NLGN1: variants seen among roughly 807,000 people sequenced by gnomAD.
NLGN1 encodes the protein neuroligin-1.
A neutral mutation model predicts 65.5 loss-of-function variants in NLGN1; 12 were observed. The ratio of observed to expected loss-of-function variants is 0.18; its 90% CI spans 0.12 to 0.30. The LOEUF is 0.30. Among genes scored for constraint, NLGN1 ranks in the 10% least tolerant of loss-of-function variants. NLGN1 has a pLI of 1.00. For synonymous variants in NLGN1, 350 were observed against 359.5 expected, an observed-to-expected ratio of 0.97 and a Z score of 0.30; for missense variants, 750 against 1,007.1, an observed-to-expected ratio of 0.74 and a Z score of 3.46.
chr3:174,066,830 A>T (rs1330077155), intron 4 of NLGN1, among the ~76,000 whole-genome samples: 8 of 152,078 alleles, frequency 5.3e-5, no homozygotes, highest in African/African-American at 1.9e-4. Context: ...AAAGGGTTGG[A>T]ACCTACAGTC....
chr3:174,292,704 T>C, the NLGN1 span, among the ~76,000 whole-genome samples: 1 of 151,492 alleles, frequency 6.6e-6, no homozygotes, highest in Non-Finnish European at 1.5e-5. Flanking sequence ...AAAGAAGGAA[T>C]TGTTGTATTA....
rs192531887 is a variant in NLGN1 at position 173,715,528 on chromosome 3, G to A, written c.494-92152G>A. 2.4e-3 allele frequency among the ~76,000 whole-genome samples: 358 copies of A among 152,246 alleles called. 6 individuals carry two copies. The South Asian group carries it at 0.031, about 13-fold the overall frequency. On this transcript the variant is annotated intron_variant, in intron 3 of 6. Transcript: ENST00000457714. ...TGCACTATTACAGAATCAAGGTAGCGAAAAGGGACTAGTGAGCTATTTCTA... is the reference window on the plus strand; with the variant it reads ...TGCACTATTACAGAATCAAGGTAGCAAAAAGGGACTAGTGAGCTATTTCTA...
chr3:174,142,057 GCCA>G (rs1044102427), intron 4 of NLGN1, among the ~76,000 whole-genome samples: 3 of 151,948 alleles, frequency 2.0e-5, no homozygotes, highest in African/African-American at 7.3e-5. Flanking sequence ...TCTAGAAGTT[GCCA>G]CCATTTTTAC....
At chr3:173,797,886 C>T (rs1458547193) in intron 3 of NLGN1, among the ~76,000 whole-genome samples, 2 of 152,018 alleles carry the variant, frequency 1.3e-5, no homozygotes, top group Non-Finnish European at 2.9e-5. Flanking sequence ...ACTGTTGCAA[C>T]TCATGTAGGC....
intron 3 of NLGN1, among the ~76,000 whole-genome samples, chr3:173,719,951 C>T (rs890762830): frequency 4.0e-5 from 6 of 151,888 alleles, no homozygotes; most frequent in Non-Finnish European, 7.4e-5. Context: ...CTCGTCTCTA[C>T]AAAAATTTAA....
At chr3:173,631,112 A>C (rs1259284064) in intron 3 of NLGN1, among the ~76,000 whole-genome samples, 1 of 152,146 alleles carries the variant, frequency 6.6e-6, no homozygotes, top group Non-Finnish European at 1.5e-5. Context: ...ATGAGGAACA[A>C]CAAGTTCACT....
chr3:174,026,387 A>G (rs1426100040), intron 4 of NLGN1, among the ~76,000 whole-genome samples: 1 of 152,156 alleles, frequency 6.6e-6, no homozygotes. Flanking sequence ...TGGCCTCCCA[A>G]AGTTTTGGGC....
intron 3 of NLGN1, among the ~76,000 whole-genome samples, chr3:173,696,839 A>G (rs1475783355): frequency 6.6e-6 from 1 of 152,238 alleles, no homozygotes; most frequent in Non-Finnish European, 1.5e-5. Context: ...ATTACATCAC[A>G]GTCTTTTGTA....
intron 4 of NLGN1, among the ~76,000 whole-genome samples, chr3:174,150,148 T>C (rs1724053313): frequency 6.6e-6 from 1 of 152,160 alleles, no homozygotes; most frequent in African/African-American, 2.4e-5. Context: ...GGACAATATA[T>C]AGCTATTCAA....
At chr3:173,424,587 T>G (rs1715747002) in intron 1 of NLGN1, among the ~76,000 whole-genome samples, 1 of 152,200 alleles carries the variant, frequency 6.6e-6, no homozygotes, top group South Asian at 2.1e-4. Context: ...AAATCATCTC[T>G]TTCAAGTTTA....
At chr3:173,917,524 C>T (rs897013917) in intron 4 of NLGN1, among the ~76,000 whole-genome samples, 3 of 151,976 alleles carry the variant, frequency 2.0e-5, no homozygotes, top group Admixed American at 6.6e-5. Flanking sequence ...ATAGCAAAAC[C>T]AGAACTTAGA....
intron 4 of NLGN1, among the ~76,000 whole-genome samples, chr3:173,856,805 A>G (rs555535755): frequency 2.0e-5 from 3 of 152,122 alleles, no homozygotes; most frequent in Non-Finnish European, 4.4e-5. Flanking sequence ...TTAAAATATT[A>G]TCATAAAGCC....
At chr3:174,039,304 G>A (rs911337403) in intron 4 of NLGN1, among the ~76,000 whole-genome samples, 1 of 151,676 alleles carries the variant, frequency 6.6e-6, no homozygotes, top group Non-Finnish European at 1.5e-5. Flanking sequence ...TGTCCAGAAC[G>A]TGCAGGCTTG....
chr3:173,687,007 G>A (rs1764787899), intron 3 of NLGN1, among the ~76,000 whole-genome samples: 1 of 152,152 alleles, frequency 6.6e-6, no homozygotes, highest in South Asian at 2.1e-4. Flanking sequence ...TGAATTGTGT[G>A]TGGTATGGGA....
intron 3 of NLGN1, among the ~76,000 whole-genome samples, chr3:173,729,947 T>A (rs1394021382): frequency 6.6e-6 from 1 of 152,010 alleles, no homozygotes; most frequent in Admixed American, 6.6e-5. Flanking sequence ...ACTTAAAGTT[T>A]CTGAATAGGT....
intron 4 of NLGN1, among the ~76,000 whole-genome samples, chr3:174,066,741 C>G (rs755049597): frequency 4.8e-4 from 73 of 151,962 alleles, no homozygotes; most frequent in Non-Finnish European, 9.6e-4. Context: ...TAAATGGGTC[C>G]TTGCTATGGG....
intron 3 of NLGN1, among the ~76,000 whole-genome samples, chr3:173,784,460 T>G (rs1195913950): frequency 6.6e-6 from 1 of 152,054 alleles, no homozygotes; most frequent in Non-Finnish European, 1.5e-5. Flanking sequence ...CAGAGGGAAG[T>G]GGCCACACTG....
chr3:173,671,432 T>C (rs563453965), intron 3 of NLGN1, among the ~76,000 whole-genome samples: 6 of 152,086 alleles, frequency 3.9e-5, no homozygotes, highest in Non-Finnish European at 7.4e-5. Flanking sequence ...CAGTGAACTG[T>C]GATTGCGCCA....
chr3:174,014,171 C>T (rs916370508), intron 4 of NLGN1, among the ~76,000 whole-genome samples: 2 of 152,066 alleles, frequency 1.3e-5, no homozygotes, highest in African/African-American at 2.4e-5. Flanking sequence ...ATAACCCAAG[C>T]CCCAAGCCCC....
Sources: gnomAD v4.1 joint callset for allele counts (sites outside exome capture counted in the v4.1 genomes callset) on GRCh38, gnomAD v4.1.1 for gene constraint, MANE v1.5 for transcripts, NCBI Gene and HGNC (gene_info 2026-07-23, HGNC 2026-07-21) for gene names.